The following MYO19 variants were observed in gnomAD, a reference collection of about 807,000 sequenced individuals.
The protein encoded by MYO19 is unconventional myosin-XIX.
MYO19 carries 132 observed loss-of-function variants against 129.2 expected under a neutral mutation model. The observed-to-expected ratio is 1.02, with a 90% CI of 0.89 to 1.18. The LOEUF (loss-of-function observed/expected upper bound fraction) is 1.18, where lower values mean the gene tolerates loss of function less well. Ranked by LOEUF, MYO19 falls within the 50% of genes most tolerant of loss-of-function variation. The pLI is 0.00. For synonymous variants in MYO19, 531 were observed against 477.2 expected, an observed-to-expected ratio of 1.11 and a Z score of -1.47; for missense variants, 1,210 against 1,216.7, an observed-to-expected ratio of 0.99 and a Z score of 0.08.
chr17:36,512,762 C>CTA, intron 11 of MYO19: 1 of 1,288,842 alleles, frequency 7.8e-7, no homozygotes, highest in South Asian at 1.2e-5. Flanking sequence ...GCCATCCTAT[C>CTA]TATCCCCTCC....
chr17:36,511,370 G>T lies in MYO19; in HGVS notation c.980C>A (p.Ala327Asp). ...EAQPCQPMDD[A>D]KYSVRTAASL... ...TCCTACACCCTGACCCTCACACTTGGCATCATCCATCGGCTGGCAGGGCTG... is the reference window on the plus strand; with the variant it reads ...TCCTACACCCTGACCCTCACACTTGTCATCATCCATCGGCTGGCAGGGCTG... The change falls in exon 12 of 26, where the codon GCC becomes GAC. Residue 327 changes from alanine to aspartate, a missense_variant. Transcript: ENST00000614623. The T allele has an allele frequency of 6.3e-7, 1 of 1,574,932 alleles. No individual in the cohort carries two copies. Among genetic ancestry groups the T allele is most frequent in the Non-Finnish European group, 8.6e-7 (1 of 1,160,174 alleles).
chr17:36,539,516 G>A (rs575724198), upstream of MYO19, among the ~76,000 whole-genome samples: 190 of 152,204 alleles, frequency 1.2e-3, no homozygotes, highest in African/African-American at 4.5e-3. Flanking sequence ...ACTCACGCCT[G>A]TAATCCTAGC....
Position 36,496,201 on chromosome 17 carries a change from G to A in MYO19, c.*50C>T, listed in dbSNP as rs2070949981. 1 of 1,604,674 alleles carries A rather than the reference G, an allele frequency of 6.2e-7. No individual in the cohort carries two copies. The highest frequency in any genetic ancestry group is 1.1e-5 in the South Asian group (1 of 90,490). The stretch of plus-strand genomic sequence containing the variant: ...AGCTGTGTGCTGATTAAATGTCTTT[G>A]GCAAGGCAGGGGGCAGGAAAAGGCC... On this transcript the variant is annotated 3_prime_UTR_variant, in exon 26 of 26. Coordinates refer to ENST00000614623, the MANE Select transcript of MYO19 (RefSeq NM_001163735.2).
chr17:36,504,507 G>C (rs2142877703), intron 19 of MYO19: 1 of 157,394 alleles, frequency 6.4e-6, no homozygotes, highest in Admixed American at 6.2e-5. Context: ...ACATCTACCA[G>C]GCCACACCTT....
upstream of MYO19, chr17:36,535,497 G>A (rs1302648308): frequency 2.6e-5 from 4 of 152,272 alleles, no homozygotes; most frequent in African/African-American, 4.8e-5. Context: ...GCGGGAGGCG[G>A]AAGCGGCTGG....
At chr17:36,527,841 A>T in intron 4 of MYO19, 142 bp from the exon 5 acceptor site, 1 of 1,131,602 alleles carries the variant, frequency 8.8e-7, no homozygotes, top group Non-Finnish European at 1.2e-6. Context: ...AAGAAAAGAT[A>T]CAAGATCTAA....
Position 36,495,778 on chromosome 17 carries a change from A to ATTGT in MYO19, c.*469_*472dup. 8.1e-7 allele frequency: 1 copy of ATTGT among 1,234,070 alleles called. No homozygotes were observed. 76.4% of individuals were successfully genotyped at this position (1,234,070 alleles called of 1,614,324 possible). On this transcript the variant is annotated 3_prime_UTR_variant, in exon 26 of 26. Coordinates refer to ENST00000614623, the MANE Select transcript of MYO19 (RefSeq NM_001163735.2). ...TGTACATTGCATTATTCATAATTTA[A>ATTGT]TTGTTTGAAATTACATTAAATAAAT...
chr17:36,532,397 A>G, intron 3 of MYO19, 130 bp downstream of exon 3: 2 of 1,094,416 alleles, frequency 1.8e-6, no homozygotes, highest in Non-Finnish European at 2.7e-6. Context: ...GATGAGTAAA[A>G]GGCACTGGAG....
Position 36,510,203 on chromosome 17 carries a change from T to C in MYO19, c.1157+543A>G, listed in dbSNP as rs74547920. On this transcript the variant is annotated intron_variant, in intron 13 of 25. Coordinates refer to ENST00000614623, the MANE Select transcript of MYO19 (RefSeq NM_001163735.2). ...TCTCAGAACTCAAGGTGAGAGATCA[T>C]CCTTAACCACATGGCCAGAGGGTGG... is the stretch of plus-strand genomic sequence containing the variant. Among the ~76,000 whole-genome samples, 4 of 152,224 alleles carry C rather than the reference T, an allele frequency of 2.6e-5. No individual in the cohort carries two copies. The East Asian group carries it at 7.7e-4, about 29-fold the overall frequency.
At chr17:36,530,989 C>G (rs911324822) in intron 3 of MYO19, among the ~76,000 whole-genome samples, 2 of 151,922 alleles carry the variant, frequency 1.3e-5, no homozygotes, top group Non-Finnish European at 2.9e-5. Flanking sequence ...TGTAAAAGCA[C>G]TTTGGGAGGC....
chr17:36,522,779 G>C (rs981883881), intron 6 of MYO19, among the ~76,000 whole-genome samples: 18 of 152,152 alleles, frequency 1.2e-4, no homozygotes, highest in African/African-American at 4.1e-4. Context: ...AGGCCGAGGC[G>C]AGTGGATCAC....
At position 36,501,163 on chromosome 17, in the gene MYO19, AG is replaced by A; in HGVS notation, c.2152del (p.Leu718Ter). On this transcript the variant is annotated frameshift_variant, in exon 22 of 26. Coordinates refer to ENST00000614623, the MANE Select transcript of MYO19 (RefSeq NM_001163735.2). LOFTEE classifies it high-confidence loss of function. ...IQDILHTLPV[L>X]TQAAAITGDS... ...ACCAGTTATGGCTGCTGCCTGAGTTAGGACCGGCAGAGTGTGGAGAATGTCC... is the reference window on the plus strand; with the variant it reads ...ACCAGTTATGGCTGCTGCCTGAGTTAGACCGGCAGAGTGTGGAGAATGTCC... 1 of 1,614,054 alleles carries A rather than the reference AG, an allele frequency of 6.2e-7. No individual in the cohort carries two copies. Among genetic ancestry groups the A allele is most frequent in the Non-Finnish European group, 8.5e-7 (1 of 1,179,900 alleles).
chr17:36,518,050 G>A (rs935256863), intron 6 of MYO19, among the ~76,000 whole-genome samples: 4 of 148,632 alleles, frequency 2.7e-5, no homozygotes, highest in South Asian at 2.1e-4. Context: ...AGCTCGCACC[G>A]TTGCACTCCA....
chr17:36,498,299 CTGG>C lies in MYO19; in HGVS notation c.2721_2723del (p.Asp907_Gln908delinsGlu). ...GCGCTCGGATGGACGTGACACCAGCCTGGTCTTGTGCTGTCTGGACAGTGTAGC... is the reference window on the plus strand; with the variant it reads ...GCGCTCGGATGGACGTGACACCAGCCTCTTGTGCTGTCTGGACAGTGTAGC... On this transcript the variant is annotated inframe_deletion, in exon 25 of 26. Transcript: ENST00000614623. 1.2e-6 allele frequency: 2 copies of C among 1,613,642 alleles called. No homozygotes were observed. The highest frequency in any genetic ancestry group is 1.1e-5 in the South Asian group (1 of 91,086).
intron 3 of MYO19, among the ~76,000 whole-genome samples, chr17:36,529,661 G>A (rs1457847416): frequency 6.6e-6 from 1 of 152,072 alleles, no homozygotes; most frequent in Non-Finnish European, 1.5e-5. Context: ...AACTGCGGAG[G>A]TCAGAGCACA....
At chr17:36,514,212 C>A (rs2072574239) in intron 9 of MYO19, among the ~76,000 whole-genome samples, 1 of 152,162 alleles carries the variant, frequency 6.6e-6, no homozygotes, top group African/African-American at 2.4e-5. Context: ...GCCTCAAGGA[C>A]CTTCTGGTCT....
chr17:36,512,910 C>A, intron 11 of MYO19: 1 of 972,762 alleles, frequency 1.0e-6, no homozygotes, highest in South Asian at 1.7e-5. Flanking sequence ...CGACGGGGCA[C>A]GGGTTGGGGG....
chr17:36,538,085 G>T (rs2074168035), upstream of MYO19: 1 of 1,614,168 alleles, frequency 6.2e-7, no homozygotes, highest in African/African-American at 1.3e-5. Context: ...ATATGCATAA[G>T]AACCGATCAC....
intron 6 of MYO19, among the ~76,000 whole-genome samples, chr17:36,524,748 A>G (rs1347666833): frequency 2.0e-5 from 3 of 152,190 alleles, no homozygotes; most frequent in African/African-American, 7.2e-5. Flanking sequence ...CAAGCATGCC[A>G]CCAGGTGCCA....
Sources: allele counts gnomAD v4.1 joint callset (sites outside exome capture counted in the v4.1 genomes callset), GRCh38; gene constraint gnomAD v4.1.1; transcripts MANE v1.5; gene names NCBI Gene and HGNC (gene_info 2026-07-23, HGNC 2026-07-21).